Variants in SLC4A4 observed in about 807,000 individuals in gnomAD.
SLC4A4 encodes the protein solute carrier family 4 member 4.
In SLC4A4, 27 loss-of-function variants were observed where a neutral mutation model predicts 111.5. The ratio of observed to expected loss-of-function variants is 0.24; its 90% confidence interval spans 0.18 to 0.33. SLC4A4 has a LOEUF of 0.33. Ranked by LOEUF, SLC4A4 falls within the 10% of genes least tolerant of loss-of-function variation. The pLI is 1.00. For missense variants in SLC4A4, 909 were observed against 1,315.5 expected (o/e 0.69, Z 4.78); for synonymous variants, 443 against 463.4 (o/e 0.96, Z 0.57).
At chr4:71,562,807 T>C (rs1737114462) in intron 23 of SLC4A4, among the ~76,000 whole-genome samples, 1 of 151,798 alleles carries the variant, frequency 6.6e-6, no homozygotes, top group African/African-American at 2.4e-5. Context: ...TTTTGCTCGT[T>C]GAATGCATTA....
intron 24 of SLC4A4, among the ~76,000 whole-genome samples, chr4:71,565,393 T>A (rs1737378396): frequency 6.6e-6 from 1 of 151,772 alleles, no homozygotes; most frequent in Non-Finnish European, 1.5e-5. Flanking sequence ...TGGGGCATAC[T>A]CCTACCTATT....
At chr4:71,561,016 G>A (rs10027256) in intron 23 of SLC4A4, among the ~76,000 whole-genome samples, 1,564 of 151,738 alleles carry the variant, frequency 0.01, 24 homozygotes, top group African/African-American at 0.036. Context: ...TAACACATGC[G>A]GACACCTTAT....
chr4:71,307,504 T>G (rs1725789458), intron 3 of SLC4A4, among the ~76,000 whole-genome samples: 1 of 152,168 alleles, frequency 6.6e-6, no homozygotes, highest in Admixed American at 6.5e-5. Flanking sequence ...TTAATTGTGG[T>G]GAATATAGAA....
chr4:71,210,766 T>C (rs1718087220), intron 1 of SLC4A4, among the ~76,000 whole-genome samples: 1 of 152,252 alleles, frequency 6.6e-6, no homozygotes, highest in Non-Finnish European at 1.5e-5. Context: ...TATATATTTT[T>C]CTACCTCAGT....
At chr4:71,339,290 G>A (rs749569205) in intron 3 of SLC4A4, 80 bp from the exon 4 acceptor site, 2 of 1,614,172 alleles carry the variant, frequency 1.2e-6, no homozygotes, top group South Asian at 2.2e-5. Context: ...GTAACCTTGG[G>A]GAGAGAGGAA....
chr4:71,175,313 T>A (rs917528419), intron 2 of SLC4A4, among the ~76,000 whole-genome samples: 2 of 151,904 alleles, frequency 1.3e-5, no homozygotes, highest in Non-Finnish European at 2.9e-5. Context: ...AGGTACGGGG[T>A]TCATCTCACT....
chr4:71,448,435 AATG>A (rs1169326990), intron 9 of SLC4A4, among the ~76,000 whole-genome samples: 10 of 152,200 alleles, frequency 6.6e-5, no homozygotes, highest in African/African-American at 1.7e-4. Context: ...TTATTTCAGA[AATG>A]ATGGGTTCTA....
At chr4:71,470,352 C>T (rs539132388) in intron 13 of SLC4A4, among the ~76,000 whole-genome samples, 2 of 152,038 alleles carry the variant, frequency 1.3e-5, no homozygotes, top group African/African-American at 2.4e-5. Context: ...TCTCCTTCTT[C>T]GGTAATGTAT....
At chr4:71,213,235 A>G (rs1718239570) in intron 1 of SLC4A4, among the ~76,000 whole-genome samples, 1 of 152,352 alleles carries the variant, frequency 6.6e-6, no homozygotes, top group South Asian at 2.1e-4. Flanking sequence ...TCCTGCATAC[A>G]GGGTGTTGCT....
chr4:71,366,933 T>C (rs749830417), intron 6 of SLC4A4, among the ~76,000 whole-genome samples: 1 of 152,188 alleles, frequency 6.6e-6, no homozygotes. Context: ...TCAGCTTTCA[T>C]GAGGGTAAGC....
At chr4:71,520,891 G>GT (rs1732873482) in intron 16 of SLC4A4, among the ~76,000 whole-genome samples, 1 of 152,008 alleles carries the variant, frequency 6.6e-6, no homozygotes. Flanking sequence ...GTTTCACTGT[G>GT]TTACCTAGCT....
intron 2 of SLC4A4, among the ~76,000 whole-genome samples, chr4:71,167,513 T>C (rs1172863997): frequency 6.6e-6 from 1 of 152,152 alleles, no homozygotes; most frequent in African/African-American, 2.4e-5. Flanking sequence ...GTGGAGATGT[T>C]AGGGAGACCC....
chr4:71,312,018 C>T (rs2148855515), intron 3 of SLC4A4, among the ~76,000 whole-genome samples: 2 of 151,844 alleles, frequency 1.3e-5, no homozygotes, highest in Middle Eastern at 3.4e-3. Context: ...AATACATTGA[C>T]TGCTAGCCAG....
chr4:71,154,779 A>C (rs990174695), intron 2 of SLC4A4, among the ~76,000 whole-genome samples: 3 of 152,212 alleles, frequency 2.0e-5, no homozygotes, highest in African/African-American at 7.2e-5. Context: ...AAGCAAATCT[A>C]TGCCAATTAA....
intron 5 of SLC4A4, among the ~76,000 whole-genome samples, chr4:71,356,274 A>G (rs532309049): frequency 4.6e-4 from 70 of 152,356 alleles, no homozygotes; most frequent in South Asian, 2.9e-3. Flanking sequence ...GGTTAAAATC[A>G]TACTAAAAAA....
intron 21 of SLC4A4, among the ~76,000 whole-genome samples, chr4:71,557,087 A>C (rs1399388886): frequency 1.3e-5 from 2 of 151,926 alleles, no homozygotes; most frequent in African/African-American, 2.4e-5. Context: ...TTAGATTCAG[A>C]TGTTGACCCT....
rs1039067391 is a variant in SLC4A4, at chr4:71,320,471, A to T, written c.254-18899A>T. Among the ~76,000 whole-genome samples, 4 of 151,954 alleles carry T rather than the reference A, an allele frequency of 2.6e-5. No individual in the cohort carries two copies. The South Asian group carries it at 6.2e-4, about 24-fold the overall frequency. Reference sequence around the variant, plus strand: ...GTAGGAGTTCCCTGACTCATTCTTTATACATTTCTATAACTGAATCTCAGA... The same window carrying T: ...GTAGGAGTTCCCTGACTCATTCTTTTTACATTTCTATAACTGAATCTCAGA... On this transcript the variant is annotated intron_variant, in intron 3 of 25. Coordinates refer to ENST00000264485, the MANE Select transcript of SLC4A4 (RefSeq NM_001098484.3).
intron 15 of SLC4A4, among the ~76,000 whole-genome samples, chr4:71,496,749 C>G (rs564762194): frequency 6.6e-6 from 1 of 152,124 alleles, no homozygotes; most frequent in South Asian, 2.1e-4. Flanking sequence ...AAGCACAGCA[C>G]TGACCCCACA....
At chr4:71,382,798 G>A (rs1328032239) in intron 6 of SLC4A4, among the ~76,000 whole-genome samples, 7 of 152,002 alleles carry the variant, frequency 4.6e-5, no homozygotes, top group Non-Finnish European at 1.0e-4. Context: ...CACCTTGTGG[G>A]GTATCTAAAC....
Sources: gnomAD v4.1 joint callset for allele counts (sites outside exome capture counted in the v4.1 genomes callset) on GRCh38, gnomAD v4.1.1 for gene constraint, MANE v1.5 for transcripts, NCBI Gene and HGNC (gene_info 2026-07-23, HGNC 2026-07-21) for gene names.